PYGB: variants seen among roughly 807,000 people sequenced by gnomAD.
The protein encoded by PYGB is glycogen phosphorylase B.
In PYGB, 82 loss-of-function variants were observed where a neutral mutation model predicts 94.3. That is an observed-to-expected ratio of 0.87 (90% confidence interval 0.73 to 1.04). PYGB has a LOEUF of 1.04. PYGB is among the 50% of genes least tolerant of loss of function. The pLI, the probability that PYGB is intolerant of heterozygous loss-of-function variation, is 0.00. For synonymous variants in PYGB, 488 were observed against 479.1 expected (o/e 1.02, Z -0.24); for missense variants, 1,132 against 1,158.2 (o/e 0.98, Z 0.33).
chr20:25,280,998 CTG>C lies in PYGB; in HGVS notation c.1292_1293del (p.Val431AspfsTer39), dbSNP rs751432884. 5 of 1,614,182 alleles carry C rather than the reference CTG, an allele frequency of 3.1e-6. No homozygotes were observed. Among genetic ancestry groups the C allele is most frequent in the Non-Finnish European group, 3.4e-6 (4 of 1,180,024 alleles). ...GATGTGGACCGCCTGCGCAGGATGT[CTG>C]TGATCGAGGAGGGGGACTGCAAGCG... On this transcript the variant is annotated frameshift_variant, in exon 11 of 20. Coordinates refer to ENST00000216962, the MANE Select transcript of PYGB (RefSeq NM_002862.4). LOFTEE classifies it high-confidence loss of function.
chr20:25,263,334 A>G (rs1011879076), intron 2 of PYGB, among the ~76,000 whole-genome samples: 1 of 152,200 alleles, frequency 6.6e-6, no homozygotes, highest in African/African-American at 2.4e-5. Context: ...ACACAACTAC[A>G]TGGAAACTGA....
rs780317976 is a variant in PYGB at position 25,292,683 on chromosome 20, T to C, written c.2177+70T>C. The C allele has an allele frequency of 1.4e-5, 21 of 1,526,968 alleles. No individual in the cohort carries two copies. In the East Asian group the frequency reaches 2.3e-4, roughly 17 times the overall value. 94.6% of individuals were successfully genotyped at this position (1,526,968 alleles called of 1,614,324 possible). ...AATGAAGGGTGTTGGGCTGGGGGCA[T>C]TGGCTGGACTGGGCTCTTGGGGCCA... On this transcript the variant is annotated intron_variant, in intron 17 of 19. Transcript: ENST00000216962.
intron 2 of PYGB, among the ~76,000 whole-genome samples, chr20:25,261,481 C>T (rs1015333451): frequency 2.5e-4 from 38 of 152,202 alleles, no homozygotes; most frequent in African/African-American, 7.2e-4. Flanking sequence ...CCCGTCTGTA[C>T]GTCACCATCA....
chr20:25,274,056 C>T (rs1231967048), intron 4 of PYGB, among the ~76,000 whole-genome samples: 1 of 152,206 alleles, frequency 6.6e-6, no homozygotes, highest in African/African-American at 2.4e-5. Flanking sequence ...TCTTCTATAA[C>T]AGCTTTATTG....
chr20:25,284,161 C>T lies in PYGB; in HGVS notation c.1678C>T (p.Pro560Ser), dbSNP rs140274311. The change falls in exon 14 of 20, where the codon CCC (proline) becomes TCC (serine). Residue 560 changes from proline (P) to serine (S), a missense_variant. Physicochemically the swap from Pro to Ser is moderately conservative, Grantham distance 74 (BLOSUM62 -1). Coordinates refer to ENST00000216962, the MANE Select transcript of PYGB (RefSeq NM_002862.4). Reference protein sequence around the residue: ...LEKEYKVKINPSSMFDVHVKR... With the variant: ...LEKEYKVKINSSSMFDVHVKR... The stretch of plus-strand genomic sequence containing the variant: ...GAAGGAGTACAAGGTGAAGATCAAC[C>T]CCTCCTCCATGTTCGATGTGCATGT... 4.3e-6 allele frequency: 7 copies of T among 1,614,086 alleles called. No individual in the cohort carries two copies. The highest frequency in any genetic ancestry group is 5.9e-6 in the Non-Finnish European group (7 of 1,179,968).
intron 16 of PYGB, among the ~76,000 whole-genome samples, chr20:25,291,009 C>T (rs1285110684): frequency 6.6e-6 from 1 of 152,040 alleles, no homozygotes; most frequent in African/African-American, 2.4e-5. Context: ...CTCCCCTGCC[C>T]TCTCCTCCTG....
At chr20:25,256,468 C>T (rs1393666169) in intron 1 of PYGB, among the ~76,000 whole-genome samples, 2 of 150,894 alleles carry the variant, frequency 1.3e-5, no homozygotes, top group Non-Finnish European at 2.9e-5. Context: ...TGCATTCCAG[C>T]CTGGGCAACA....
At chr20:25,268,157 A>ACCCCCCCCCCCCC (rs375575044) in intron 2 of PYGB, among the ~76,000 whole-genome samples, 6 of 28,316 alleles carry the variant, frequency 2.1e-4, no homozygotes, top group African/African-American at 6.3e-4. Context: ...AAATCCTAGC[A>ACCCCCCCCCCCCC]CCCGCCCCCC....
At position 25,296,489 on chromosome 20, in the gene PYGB, G is replaced by A; in HGVS notation, c.2499G>A (p.Leu833=). The A allele has an allele frequency of 6.2e-7, 1 of 1,613,716 alleles. No homozygotes were observed. The highest frequency in any genetic ancestry group is 8.5e-7 in the Non-Finnish European group (1 of 1,179,950). The part of the protein sequence containing the change: ...REIWGVEPSD[L]QIPPPNIPRD ...TCTGGGGTGTGGAGCCCTCCGACCT[G>A]CAGATCCCGCCCCCCAACATCCCCC... is the stretch of plus-strand genomic sequence containing the variant. The change falls in exon 20 of 20, where the codon CTG becomes CTA. Residue 833 remains leucine, a synonymous_variant. Coordinates refer to ENST00000216962, the MANE Select transcript of PYGB (RefSeq NM_002862.4).
intron 2 of PYGB, among the ~76,000 whole-genome samples, chr20:25,260,160 TC>T (rs2123523142): frequency 6.6e-6 from 1 of 152,286 alleles, no homozygotes; most frequent in South Asian, 2.1e-4. Context: ...AACAAAAACT[TC>T]ACTCCGCATG....
At chr20:25,287,049 G>A (rs1397958141) in intron 14 of PYGB, among the ~76,000 whole-genome samples, 1 of 152,188 alleles carries the variant, frequency 6.6e-6, no homozygotes, top group East Asian at 1.9e-4. Flanking sequence ...ACCCAGGCCC[G>A]GCTCGCTGGT....
chr20:25,294,329 A>T lies in PYGB; in HGVS notation c.2312+37A>T, dbSNP rs1337385682. On this transcript the variant is annotated intron_variant, in intron 18 of 19. Transcript: ENST00000216962. Reference sequence around the variant, plus strand: ...TTCCCTGGTTGGGTGGCTGGGAGGGAGGGAGGGAGGGAGGGGTCCTCTTCG... The same window carrying T: ...TTCCCTGGTTGGGTGGCTGGGAGGGTGGGAGGGAGGGAGGGGTCCTCTTCG... 49 of 316,692 alleles carry T rather than the reference A, an allele frequency of 1.5e-4. No homozygotes were observed. Among genetic ancestry groups the T allele is most frequent in the Non-Finnish European group, 2.5e-4 (41 of 161,024 alleles). The allele number at this position is 316,692 out of a possible 1,614,324, so 19.6% of individuals were successfully genotyped here. A position where few individuals can be genotyped will look rare whatever the true frequency, so the allele number is the denominator to read the frequency against.
chr20:25,283,810 G>C (rs2088391668), intron 13 of PYGB, among the ~76,000 whole-genome samples: 1 of 152,150 alleles, frequency 6.6e-6, no homozygotes, highest in African/African-American at 2.4e-5. Flanking sequence ...CTCCCGCGCT[G>C]CTCCGCCGCC....
intron 5 of PYGB, among the ~76,000 whole-genome samples, chr20:25,275,813 C>T (rs1374860448): frequency 1.3e-5 from 2 of 151,470 alleles, no homozygotes; most frequent in African/African-American, 2.4e-5. Context: ...ACTTGGGTGT[C>T]GCCTTGTGGG....
Position 25,278,340 on chromosome 20 carries a change from C to A in PYGB, c.877C>A (p.Arg293=), listed in dbSNP as rs199624283. 5 of 1,602,168 alleles carry A rather than the reference C, an allele frequency of 3.1e-6. No homozygotes were observed. In the South Asian group the frequency reaches 3.3e-5, roughly 11 times the overall value. The part of the protein sequence containing the change: ...NDNFFEGKEL[R]LKQEYFVVAA... ...GCAGTTCTTTGAGGGGAAGGAGCTGCGGCTGAAGCAGGAGTACTTCGTGGT... is the reference window on the plus strand; with the variant it reads ...GCAGTTCTTTGAGGGGAAGGAGCTGAGGCTGAAGCAGGAGTACTTCGTGGT... Residue 293 remains arginine, a synonymous_variant, in exon 8 of 20, where the codon CGG becomes AGG. Coordinates refer to ENST00000216962, the MANE Select transcript of PYGB (RefSeq NM_002862.4).
intron 2 of PYGB, among the ~76,000 whole-genome samples, chr20:25,260,160 TCA>T (rs1381447235): frequency 6.6e-6 from 1 of 152,168 alleles, no homozygotes; most frequent in African/African-American, 2.4e-5. Context: ...AACAAAAACT[TCA>T]CTCCGCATGT....
At chr20:25,273,992 C>T (rs866298446) in intron 4 of PYGB, among the ~76,000 whole-genome samples, 12 of 152,284 alleles carry the variant, frequency 7.9e-5, no homozygotes, top group Admixed American at 3.3e-4. Flanking sequence ...GGACTGTAGG[C>T]GTGAGCCTCC....
chr20:25,248,490 G>A, intron 1 of PYGB, 69 bp downstream of exon 1: 1 of 1,290,358 alleles, frequency 7.7e-7, no homozygotes, highest in South Asian at 2.3e-5. Flanking sequence ...CCGCGCCAGC[G>A]GGGGTCTCTG....
At chr20:25,262,560 CTG>C (rs1366929396) in intron 2 of PYGB, among the ~76,000 whole-genome samples, 2 of 152,320 alleles carry the variant, frequency 1.3e-5, no homozygotes, top group East Asian at 1.9e-4. Context: ...TAGGAAGAAA[CTG>C]TATCAGCTAC....
Sources: allele counts gnomAD v4.1 joint callset (sites outside exome capture counted in the v4.1 genomes callset), GRCh38; gene constraint gnomAD v4.1.1; transcripts MANE v1.5; gene names NCBI Gene and HGNC (gene_info 2026-07-23, HGNC 2026-07-21).